Variants in RBFOX1 observed in about 807,000 individuals in gnomAD.
RBFOX1 encodes the protein RNA binding protein fox-1 homolog 1.
In RBFOX1, 8 loss-of-function variants were observed where a neutral mutation model predicts 57.7. The observed-to-expected ratio is 0.14, with a 90% CI of 0.08 to 0.25. RBFOX1 has a LOEUF of 0.25. Ranked by LOEUF, RBFOX1 falls within the 10% of genes least tolerant of loss-of-function variation. The probability of loss-of-function intolerance (pLI) is 1.00; values close to 1 mark genes in which losing one functional copy is unlikely to be tolerated. For missense variants in RBFOX1, 611 were observed against 548.5 expected, an observed-to-expected ratio of 1.11 and a Z score of -1.14; for synonymous variants, 326 against 222.4, an observed-to-expected ratio of 1.47 and a Z score of -4.15.
At chr16:7,082,727 A>G (rs1435264170) in intron 4 of RBFOX1, among the ~76,000 whole-genome samples, 1 of 152,202 alleles carries the variant, frequency 6.6e-6, no homozygotes, top group Non-Finnish European at 1.5e-5. Flanking sequence ...ATTGCTGTAT[A>G]TAATTAATGT....
chr16:6,465,821 A>G (rs766340463), intron 2 of RBFOX1, among the ~76,000 whole-genome samples: 3 of 149,912 alleles, frequency 2.0e-5, no homozygotes, highest in Non-Finnish European at 4.4e-5. Context: ...GATTTAGGCT[A>G]CAGTTTACTT....
At chr16:6,893,686 A>C (rs1414494384) in intron 3 of RBFOX1, among the ~76,000 whole-genome samples, 2 of 152,242 alleles carry the variant, frequency 1.3e-5, no homozygotes, top group African/African-American at 4.8e-5. Context: ...TACTTTATCA[A>C]TGTGGAAACT....
At chr16:7,071,391 A>G (rs2057302570) in intron 4 of RBFOX1, among the ~76,000 whole-genome samples, 1 of 152,062 alleles carries the variant, frequency 6.6e-6, no homozygotes, top group Admixed American at 6.6e-5. Flanking sequence ...CGCAGAGGAG[A>G]GTATTATTAC....
chr16:7,546,076 C>T (rs976097479), intron 5 of RBFOX1, among the ~76,000 whole-genome samples: 5 of 151,696 alleles, frequency 3.3e-5, no homozygotes, highest in Non-Finnish European at 5.9e-5. Context: ...TCAGTAATCC[C>T]AGCACTTTGG....
chr16:6,789,502 C>T (rs1036306339), intron 3 of RBFOX1, among the ~76,000 whole-genome samples: 6 of 152,160 alleles, frequency 3.9e-5, no homozygotes, highest in African/African-American at 1.4e-4. Context: ...ATTTCATTCT[C>T]AGTTATTACC....
At chr16:7,131,895 G>C (rs879528187) in intron 4 of RBFOX1, among the ~76,000 whole-genome samples, 14 of 152,044 alleles carry the variant, frequency 9.2e-5, no homozygotes, top group Non-Finnish European at 1.9e-4. Context: ...GGGGGTGAGA[G>C]GCTTCCCAGT....
rs1256136165 is a variant in RBFOX1, at chr16:6,859,122, TATATATAC to T, written c.-15-192927_-15-192920del. 1.1e-3 allele frequency among the ~76,000 whole-genome samples: 77 copies of T among 68,354 alleles called. 1 individual carries two copies. Among genetic ancestry groups the T allele is most frequent in the African/African-American group, 6.1e-3 (65 of 10,662 alleles). The allele number at this position is 68,354 out of a possible 152,430, so 44.8% of individuals were successfully genotyped here. A position where few individuals can be genotyped will look rare whatever the true frequency, so the allele number is the denominator to read the frequency against. On this transcript the variant is annotated intron_variant, in intron 3 of 15. Transcript: ENST00000550418. The stretch of plus-strand genomic sequence containing the variant: ...GTCCTAAAAAAAGTGTATATATATA[TATATATAC>T]ATATATATACGTATATATATATGTA...
chr16:6,277,686 A>G (rs1324948506), intron 1 of RBFOX1, among the ~76,000 whole-genome samples: 1 of 131,908 alleles, frequency 7.6e-6, no homozygotes, highest in Non-Finnish European at 1.6e-5. Context: ...AAAAAAAAAA[A>G]TGTCCATTTT....
At chr16:6,867,063 G>C (rs963576104) in intron 3 of RBFOX1, among the ~76,000 whole-genome samples, 3 of 151,034 alleles carry the variant, frequency 2.0e-5, no homozygotes, top group African/African-American at 7.3e-5. Context: ...TTATGAGTTT[G>C]TATTTAAAAA....
chr16:7,214,110 C>T (rs1001538209), intron 4 of RBFOX1, among the ~76,000 whole-genome samples: 7 of 152,096 alleles, frequency 4.6e-5, no homozygotes, highest in African/African-American at 1.7e-4. Context: ...CTTTCCCCTG[C>T]TACCTTATTT....
chr16:6,909,175 G>T (rs2070885222), intron 3 of RBFOX1, among the ~76,000 whole-genome samples: 2 of 152,184 alleles, frequency 1.3e-5, no homozygotes, highest in South Asian at 4.1e-4. Flanking sequence ...TCTTCTGGAG[G>T]TTCTTTGGGA....
intron 4 of RBFOX1, among the ~76,000 whole-genome samples, chr16:5,957,154 C>G (rs1235413513): frequency 1.3e-5 from 2 of 152,156 alleles, no homozygotes; most frequent in Admixed American, 1.3e-4. Context: ...TCTACCTGAA[C>G]AAGTTCTTAG....
intron 4 of RBFOX1, among the ~76,000 whole-genome samples, chr16:7,182,197 T>G (rs2082854581): frequency 2.0e-5 from 3 of 152,112 alleles, no homozygotes; most frequent in South Asian, 2.1e-4. Context: ...CTTTGGAGAT[T>G]TTTTCAGATT....
intron 4 of RBFOX1, chr16:7,423,119 G>C (rs2098558610): frequency 1.3e-5 from 2 of 148,840 alleles, no homozygotes; most frequent in African/African-American, 4.9e-5. Context: ...GAGAGAGAGA[G>C]AGAGAGAGAG....
At chr16:6,835,232 TAGTG>T (rs1462703429) in intron 3 of RBFOX1, among the ~76,000 whole-genome samples, 2 of 152,046 alleles carry the variant, frequency 1.3e-5, no homozygotes, top group African/African-American at 4.8e-5. Flanking sequence ...ATGGCTCCGT[TAGTG>T]AGCGCTGTGG....
intron 2 of RBFOX1, among the ~76,000 whole-genome samples, chr16:5,542,552 C>G (rs2045005233): frequency 1.3e-5 from 2 of 152,022 alleles, no homozygotes; most frequent in South Asian, 2.1e-4. Flanking sequence ...CCACCGCATC[C>G]AGCCATAGTT....
intron 4 of RBFOX1, among the ~76,000 whole-genome samples, chr16:7,512,836 C>T (rs770096180): frequency 6.6e-6 from 1 of 152,204 alleles, no homozygotes; most frequent in Non-Finnish European, 1.5e-5. Context: ...TGGTCACCCA[C>T]CCAACCTGGC....
At chr16:5,960,010 T>G (rs1048491546) in intron 4 of RBFOX1, among the ~76,000 whole-genome samples, 8 of 151,944 alleles carry the variant, frequency 5.3e-5, no homozygotes, top group African/African-American at 1.7e-4. Flanking sequence ...AGACCAGCCT[T>G]GCCAACATGG....
chr16:6,824,325 G>C (rs1011315429), intron 3 of RBFOX1, among the ~76,000 whole-genome samples: 1 of 152,178 alleles, frequency 6.6e-6, no homozygotes, highest in African/African-American at 2.4e-5. Flanking sequence ...AGAGTCACTT[G>C]AACCAGAGAG....
Sources: gnomAD v4.1 joint callset for allele counts (sites outside exome capture counted in the v4.1 genomes callset) on GRCh38, gnomAD v4.1.1 for gene constraint, MANE v1.5 for transcripts, NCBI Gene and HGNC (gene_info 2026-07-23, HGNC 2026-07-21) for gene names.